The following GRIK3 variants were observed in gnomAD, a reference collection of about 807,000 sequenced individuals.
GRIK3 encodes the protein glutamate receptor ionotropic, kainate 3.
In GRIK3, 29 loss-of-function variants were observed where a neutral mutation model predicts 102.5. The observed-to-expected ratio is 0.28, with a 90% CI of 0.21 to 0.39. GRIK3 has a LOEUF of 0.39. Ranked by LOEUF, GRIK3 falls within the 10% of genes least tolerant of loss-of-function variation. GRIK3 has a pLI of 1.00. For missense variants in GRIK3, 908 were observed against 1,252.4 expected (o/e 0.73, Z 4.15); for synonymous variants, 511 against 504.9 (o/e 1.01, Z -0.16).
chr1:36,935,585 G>C (rs559823407), intron 1 of GRIK3, among the ~76,000 whole-genome samples: 1 of 151,604 alleles, frequency 6.6e-6, no homozygotes, highest in East Asian at 1.9e-4. Flanking sequence ...CAGCAAAGAT[G>C]AGAATGACTG....
intron 1 of GRIK3, among the ~76,000 whole-genome samples, chr1:36,953,947 C>T (rs760441783): frequency 1.4e-4 from 22 of 152,160 alleles, no homozygotes; most frequent in Non-Finnish European, 2.8e-4. Flanking sequence ...ACCCCCAGCC[C>T]CTGTCTCCCA....
chr1:37,010,411 A>G (rs1642581811), intron 1 of GRIK3, among the ~76,000 whole-genome samples: 1 of 152,222 alleles, frequency 6.6e-6, no homozygotes, highest in Non-Finnish European at 1.5e-5. Flanking sequence ...TTATCCCACA[A>G]GATCCTTTCT....
In GRIK3 at chr1:36,962,816, G is replaced by A. The variant is rs371146903; in HGVS notation, c.115+71178C>T. Among the ~76,000 whole-genome samples the A allele has an allele frequency of 2.7e-3, 407 of 150,900 alleles. 3 individuals carry two copies. Among genetic ancestry groups the A allele is most frequent in the African/African-American group, 9.2e-3 (376 of 40,974 alleles). ...GGAGGATAGCTTGAACCCGGGAGGC[G>A]GAGGTTGCAGTGAGCCGAGATCGTG... On this transcript the variant is annotated intron_variant, in intron 1 of 15. Coordinates refer to ENST00000373091, the MANE Select transcript of GRIK3 (RefSeq NM_000831.4).
At chr1:36,861,104 G>A (rs537611153) in intron 5 of GRIK3, among the ~76,000 whole-genome samples, 52 of 152,112 alleles carry the variant, frequency 3.4e-4, no homozygotes, top group Non-Finnish European at 6.2e-4. Context: ...TATGCTCCCC[G>A]CAACCCTACC....
rs1642678625 is a variant in GRIK3 at position 36,819,928 on chromosome 1, A to C, written c.1755-74T>G. 1.3e-6 allele frequency: 1 copy of C among 779,418 alleles called. No individual in the cohort carries two copies. Among genetic ancestry groups the C allele is most frequent in the Non-Finnish European group, 2.3e-6 (1 of 442,922 alleles). 48.3% of individuals were successfully genotyped at this position (779,418 alleles called of 1,614,324 possible). On this transcript the variant is annotated intron_variant, in intron 11 of 15. Transcript: ENST00000373091. The surrounding 1 kb of genome is among the most constrained non-coding windows in gnomAD (Gnocchi z 4.1). ...ACGCCCCAGCAGGCAGTGGTTTAGC[A>C]AACACAGCTGTGCCAGCCGCCTCAG...
intron 1 of GRIK3, among the ~76,000 whole-genome samples, chr1:36,927,045 T>C (rs1156773173): frequency 2.0e-5 from 3 of 152,214 alleles, no homozygotes; most frequent in African/African-American, 4.8e-5. Flanking sequence ...AAGGAAAACA[T>C]ACACAAATAA....
intron 10 of GRIK3, among the ~76,000 whole-genome samples, chr1:36,833,010 C>T (rs941846530): frequency 7.9e-5 from 12 of 152,176 alleles, no homozygotes; most frequent in South Asian, 2.1e-4. Flanking sequence ...CACTGTGGGA[C>T]GCCCAGCTCC....
intron 1 of GRIK3, among the ~76,000 whole-genome samples, chr1:37,007,146 C>T (rs755440086): frequency 9.8e-5 from 15 of 152,356 alleles, no homozygotes; most frequent in East Asian, 1.9e-4. Flanking sequence ...AAAGGGAACA[C>T]GGCATAGGGC....
chr1:36,843,220 C>T (rs943366965), intron 9 of GRIK3, among the ~76,000 whole-genome samples: 2 of 152,162 alleles, frequency 1.3e-5, no homozygotes, highest in African/African-American at 2.4e-5. Flanking sequence ...GCAGCAAGTC[C>T]GAATCCAGGT....
chr1:37,008,221 G>A (rs1642552813), intron 1 of GRIK3, among the ~76,000 whole-genome samples: 1 of 152,174 alleles, frequency 6.6e-6, no homozygotes, highest in Non-Finnish European at 1.5e-5. Context: ...GGGCTCAGAG[G>A]GCTCTAGGTG....
intron 1 of GRIK3, among the ~76,000 whole-genome samples, chr1:36,894,684 C>T (rs946411059): frequency 2.0e-5 from 3 of 152,086 alleles, no homozygotes; most frequent in Admixed American, 6.6e-5. Context: ...GTAGGAAAAC[C>T]GAAAGTGTAA....
At chr1:36,951,817 G>C (rs930431015) in intron 1 of GRIK3, among the ~76,000 whole-genome samples, 2 of 152,010 alleles carry the variant, frequency 1.3e-5, no homozygotes, top group Non-Finnish European at 2.9e-5. Context: ...GCAGAAATGG[G>C]GGGAACAGGG....
intron 1 of GRIK3, among the ~76,000 whole-genome samples, chr1:36,994,908 T>C (rs958046986): frequency 6.6e-6 from 1 of 152,178 alleles, no homozygotes; most frequent in Admixed American, 6.6e-5. Flanking sequence ...ATCACACCTT[T>C]CTCTCTGTGA....
At chr1:36,997,321 A>C (rs1162190841) in intron 1 of GRIK3, among the ~76,000 whole-genome samples, 1 of 152,256 alleles carries the variant, frequency 6.6e-6, no homozygotes, top group African/African-American at 2.4e-5. Context: ...GTCTCAAATC[A>C]GGATTTAATT....
At chr1:37,017,585 C>G (rs1642666249) in intron 1 of GRIK3, among the ~76,000 whole-genome samples, 1 of 152,088 alleles carries the variant, frequency 6.6e-6, no homozygotes, top group Non-Finnish European at 1.5e-5. Flanking sequence ...TCTTGCCGCA[C>G]AGTTGGGCGT....
chr1:36,837,363 C>G (rs768839501), intron 10 of GRIK3, among the ~76,000 whole-genome samples: 3 of 152,166 alleles, frequency 2.0e-5, no homozygotes, highest in Non-Finnish European at 4.4e-5. Context: ...ACCATCACCT[C>G]CTTAACTGTC....
intron 10 of GRIK3, among the ~76,000 whole-genome samples, chr1:36,834,891 C>G (rs1640353660): frequency 6.6e-6 from 1 of 152,172 alleles, no homozygotes; most frequent in Non-Finnish European, 1.5e-5. Context: ...CTGCCATCCA[C>G]CCAGACATGT....
chr1:37,025,966 C>T (rs527422121), intron 1 of GRIK3, among the ~76,000 whole-genome samples: 2 of 152,250 alleles, frequency 1.3e-5, no homozygotes, highest in South Asian at 4.1e-4. Flanking sequence ...CTCTCTCCTC[C>T]CTGCCTTTTG....
chr1:36,930,170 T>C (rs1641572362), intron 1 of GRIK3, among the ~76,000 whole-genome samples: 1 of 152,202 alleles, frequency 6.6e-6, no homozygotes, highest in South Asian at 2.1e-4. Flanking sequence ...GGAAGAGGAA[T>C]TATAAGGACA....
Sources: allele counts gnomAD v4.1 joint callset (sites outside exome capture counted in the v4.1 genomes callset), GRCh38; gene constraint gnomAD v4.1.1; non-coding constraint Gnocchi (gnomAD v3.1); transcripts MANE v1.5; gene names NCBI Gene and HGNC (gene_info 2026-07-23, HGNC 2026-07-21).